TBC1D5: variants seen among roughly 807,000 people sequenced by gnomAD.
TBC1D5 encodes the protein TBC1 domain family, member 5.
TBC1D5 carries 75 observed loss-of-function variants against 100.3 expected under a neutral mutation model. That is an observed-to-expected ratio of 0.75 (90% CI 0.62 to 0.91). The LOEUF is 0.91. Ranked by LOEUF, TBC1D5 falls within the 40% of genes least tolerant of loss-of-function variation. TBC1D5 has a pLI of 0.00. For missense variants in TBC1D5, 910 were observed against 942.4 expected (o/e 0.97, Z 0.45); for synonymous variants, 323 against 325.6 (o/e 0.99, Z 0.09).
At chr3:17,164,777 T>C (rs1337942967) in intron 21 of TBC1D5, among the ~76,000 whole-genome samples, 2 of 152,342 alleles carry the variant, frequency 1.3e-5, no homozygotes, top group Non-Finnish European at 2.9e-5. Context: ...CCTTGGGCTT[T>C]GCAGTGGAAG....
chr3:17,475,851 G>T (rs1231147265), intron 3 of TBC1D5, among the ~76,000 whole-genome samples: 1 of 151,998 alleles, frequency 6.6e-6, no homozygotes, highest in East Asian at 1.9e-4. Context: ...TTTCCAAAAT[G>T]TTTGAACCAA....
Position 17,512,969 on chromosome 3 carries a change from T to C in TBC1D5, c.-35-4364A>G, listed in dbSNP as rs533310663. Among the ~76,000 whole-genome samples the C allele has an allele frequency of 4.6e-5, 7 of 152,244 alleles. No homozygotes were observed. In the East Asian group the frequency reaches 1.4e-3, roughly 29 times the overall value. On this transcript the variant is annotated intron_variant, in intron 2 of 21. Transcript: ENST00000253692. ...TTAATTTTTAATAAAAGGGTAAGCG[T>C]TCAGCACTAAAGCTTAGAAGGCAGT...
At chr3:17,742,189 G>A (rs2077517391), upstream of TBC1D5, among the ~76,000 whole-genome samples, 1 of 152,004 alleles carries the variant, frequency 6.6e-6, no homozygotes, top group Non-Finnish European at 1.5e-5. Context: ...GCCCGCCAGG[G>A]AGCTGAAGGG....
chr3:17,706,181 G>A (rs541628920), intron 1 of TBC1D5: 14 of 1,561,450 alleles, frequency 9.0e-6, no homozygotes, highest in Admixed American at 7.7e-5. Flanking sequence ...GCAGCCGCTC[G>A]AAGGGCCTCT....
intron 1 of TBC1D5, among the ~76,000 whole-genome samples, chr3:17,674,637 A>T (rs1247706944): frequency 6.6e-6 from 1 of 152,144 alleles, no homozygotes; most frequent in Non-Finnish European, 1.5e-5. Flanking sequence ...CCTAGACAAC[A>T]TTTTTAAAGT....
At chr3:17,548,104 G>C (rs1266791340) in intron 2 of TBC1D5, among the ~76,000 whole-genome samples, 2 of 152,054 alleles carry the variant, frequency 1.3e-5, no homozygotes, top group Non-Finnish European at 2.9e-5. Context: ...CACAAGGTCA[G>C]GAGATCGAGA....
chr3:17,636,316 C>T (rs146266184), intron 1 of TBC1D5, among the ~76,000 whole-genome samples: 1 of 152,112 alleles, frequency 6.6e-6, no homozygotes, highest in African/African-American at 2.4e-5. Context: ...ACTCCCCTAT[C>T]CCTATGAGAT....
At chr3:17,387,205 G>A (rs2093187209) in intron 8 of TBC1D5, among the ~76,000 whole-genome samples, 1 of 152,126 alleles carries the variant, frequency 6.6e-6, no homozygotes, top group Non-Finnish European at 1.5e-5. Flanking sequence ...AAAAAGAACT[G>A]AAAATCAGAG....
At chr3:17,342,619 C>T (rs1000000661) in intron 13 of TBC1D5, among the ~76,000 whole-genome samples, 3 of 152,098 alleles carry the variant, frequency 2.0e-5, no homozygotes, top group African/African-American at 4.8e-5. Context: ...ATTCCAAAAG[C>T]AATCTGTATA....
intron 2 of TBC1D5, among the ~76,000 whole-genome samples, chr3:17,520,134 A>AT (rs2096047490): frequency 6.6e-6 from 1 of 152,224 alleles, no homozygotes. Context: ...TCCTTTTTGA[A>AT]ATGTCAGCCT....
chr3:17,166,820 C>T, exon 21 of TBC1D5: 1 of 1,614,174 alleles, frequency 6.2e-7, no homozygotes, highest in Non-Finnish European at 8.5e-7. Context: ...CGGCCCTGGC[C>T]CTGGCCGCTG....
intron 1 of TBC1D5, among the ~76,000 whole-genome samples, chr3:17,732,966 C>T (rs990811305): frequency 6.6e-6 from 1 of 152,094 alleles, no homozygotes; most frequent in Non-Finnish European, 1.5e-5. Flanking sequence ...GGAAACTGAT[C>T]AGGACCACTT....
intron 18 of TBC1D5, among the ~76,000 whole-genome samples, chr3:17,188,101 T>C (rs2069375707): frequency 6.6e-6 from 1 of 152,108 alleles, no homozygotes; most frequent in Non-Finnish European, 1.5e-5. Flanking sequence ...TGGTGGAAAG[T>C]ATGAGCTTAA....
At chr3:17,347,023 C>A (rs893545286) in intron 13 of TBC1D5, among the ~76,000 whole-genome samples, 7 of 152,146 alleles carry the variant, frequency 4.6e-5, no homozygotes, top group Non-Finnish European at 1.5e-5. Flanking sequence ...GTATGTAATT[C>A]AACACCAATT....
At chr3:17,332,821 G>A (rs879537179) in intron 13 of TBC1D5, among the ~76,000 whole-genome samples, 1 of 152,162 alleles carries the variant, frequency 6.6e-6, no homozygotes, top group Non-Finnish European at 1.5e-5. Context: ...GTGGTTAGGT[G>A]GAGTGGGGCA....
intron 3 of TBC1D5, among the ~76,000 whole-genome samples, chr3:17,433,617 T>C (rs2094482526): frequency 6.6e-6 from 1 of 152,140 alleles, no homozygotes; most frequent in African/African-American, 2.4e-5. Flanking sequence ...ATATGAGATT[T>C]GGGTGGGGGC....
intron 17 of TBC1D5, among the ~76,000 whole-genome samples, chr3:17,218,611 TCA>T (rs775977954): frequency 1.1e-4 from 16 of 152,032 alleles, no homozygotes; most frequent in Non-Finnish European, 4.4e-5. Flanking sequence ...TTGAATACTC[TCA>T]GTTTCTATTT....
intron 19 of TBC1D5, among the ~76,000 whole-genome samples, chr3:17,176,148 C>T (rs1168985602): frequency 2.0e-5 from 3 of 152,216 alleles, no homozygotes; most frequent in Non-Finnish European, 4.4e-5. Context: ...TGTGTAACCT[C>T]CCACCAAGTA....
intron 17 of TBC1D5, among the ~76,000 whole-genome samples, chr3:17,222,257 A>G (rs1043302509): frequency 6.6e-6 from 1 of 151,728 alleles, no homozygotes; most frequent in African/African-American, 2.4e-5. Context: ...GTGGCCTTTT[A>G]TCTCTGTCTT....
Sources: allele counts gnomAD v4.1 joint callset (sites outside exome capture counted in the v4.1 genomes callset), GRCh38; gene constraint gnomAD v4.1.1; transcripts MANE v1.5; gene names NCBI Gene and HGNC (gene_info 2026-07-23, HGNC 2026-07-21).